Variants in MRPS31 observed in about 807,000 individuals in gnomAD.
The protein encoded by MRPS31 is small ribosomal subunit protein mS31.
MRPS31 carries 32 observed loss-of-function variants against 43.1 expected under a neutral mutation model. The observed-to-expected ratio is 0.74, with a 90% CI of 0.56 to 1.00. MRPS31 has a LOEUF of 1.00. MRPS31 is among the 50% of genes least tolerant of loss of function. The probability of loss-of-function intolerance (pLI) is 0.00; values close to 1 mark genes in which losing one functional copy is unlikely to be tolerated. For synonymous variants in MRPS31, 165 were observed against 161.6 expected, an observed-to-expected ratio of 1.02 and a Z score of -0.16; for missense variants, 437 against 466.7, an observed-to-expected ratio of 0.94 and a Z score of 0.59.
chr13:40,744,001 C>A (rs183638887), intron 6 of MRPS31, among the ~76,000 whole-genome samples: 1 of 152,232 alleles, frequency 6.6e-6, no homozygotes, highest in Non-Finnish European at 1.5e-5. Flanking sequence ...ACATACACAC[C>A]ATGGGATACT....
chr13:40,729,775 T>C (rs1467857150), intron 6 of MRPS31, among the ~76,000 whole-genome samples, 174 bp from the exon 7 acceptor site: 1 of 150,818 alleles, frequency 6.6e-6, no homozygotes, highest in Non-Finnish European at 1.5e-5. Context: ...GTTGCTCAGG[T>C]TGAAGTGGAG....
At position 40,754,802 on chromosome 13, in the gene MRPS31, G is replaced by A. The variant is rs572324224; in HGVS notation, c.741-710C>T. 2.0e-5 allele frequency among the ~76,000 whole-genome samples: 3 copies of A among 152,204 alleles called. No homozygotes were observed. In the East Asian group the frequency reaches 5.8e-4, roughly 29 times the overall value. ...CCAGCACTTTGGGAGGCCAAGGCAG[G>A]TAGATTACCTGAGGTCAGGAGTTTG... On this transcript the variant is annotated intron_variant, in intron 4 of 6. Transcript: ENST00000323563.
chr13:40,740,172 AAC>A (rs1880041369), intron 6 of MRPS31, among the ~76,000 whole-genome samples: 2 of 144,200 alleles, frequency 1.4e-5, no homozygotes, highest in South Asian at 4.7e-4. Flanking sequence ...GCAGCCAAAA[AAC>A]ACATGAAAAA....
chr13:40,752,033 C>CT (rs35701528), intron 5 of MRPS31, among the ~76,000 whole-genome samples: 4,082 of 146,286 alleles, frequency 0.028, 203 homozygotes, highest in East Asian at 0.25. Flanking sequence ...TTCTTTCTTT[C>CT]TTTTTTTTTT....
intron 2 of MRPS31, among the ~76,000 whole-genome samples, chr13:40,760,441 C>T (rs1404413444): frequency 6.6e-6 from 1 of 151,978 alleles, no homozygotes; most frequent in Non-Finnish European, 1.5e-5. Context: ...ATAGGACATA[C>T]AAGAATGGCA....
chr13:40,748,231 C>T (rs554530451), intron 6 of MRPS31, among the ~76,000 whole-genome samples: 1 of 152,158 alleles, frequency 6.6e-6, no homozygotes, highest in Non-Finnish European at 1.5e-5. Flanking sequence ...GATCTCGGCT[C>T]ACTGCAACTT....
chr13:40,742,911 G>T (rs1031925398), intron 6 of MRPS31, among the ~76,000 whole-genome samples: 1 of 152,074 alleles, frequency 6.6e-6, no homozygotes, highest in Non-Finnish European at 1.5e-5. Flanking sequence ...ACTCAAGGTG[G>T]ATTAAAGGCT....
rs774145864 is a variant in MRPS31 at position 40,729,386 on chromosome 13, T to A, written c.1174A>T (p.Ile392Leu). The A allele has an allele frequency of 6.7e-7, 1 of 1,487,530 alleles. No individual in the cohort carries two copies. Among genetic ancestry groups the A allele is most frequent in the Non-Finnish European group, 9.2e-7 (1 of 1,081,374 alleles). 92.1% of individuals were successfully genotyped at this position (1,487,530 alleles called of 1,614,324 possible). Residue 392 changes from isoleucine to leucine, a missense_variant, in exon 7 of 7, where the codon ATA becomes TTA. Transcript: ENST00000323563. Reference protein sequence around the residue: ...EKKDILKESNIQFN With the variant: ...EKKDILKESNLQFN Reference sequence around the variant, plus strand: ...TTTCCATGGTCTTAATTGAACTGTATGTTACTTTCTTTTAGAATATCCTTT... The same window carrying A: ...TTTCCATGGTCTTAATTGAACTGTAAGTTACTTTCTTTTAGAATATCCTTT...
intron 5 of MRPS31, among the ~76,000 whole-genome samples, chr13:40,753,009 C>T (rs1211831330): frequency 6.6e-6 from 1 of 152,020 alleles, no homozygotes; most frequent in Non-Finnish European, 1.5e-5. Context: ...CCACATACAA[C>T]ATTGTTTCTA....
chr13:40,744,928 T>C (rs1401116553), intron 6 of MRPS31, among the ~76,000 whole-genome samples: 4 of 143,798 alleles, frequency 2.8e-5, no homozygotes, highest in African/African-American at 7.8e-5. Context: ...TTATTTTTAT[T>C]TATTTATTTT....
chr13:40,749,140 G>C lies in MRPS31; in HGVS notation c.956C>G (p.Ala319Gly). The change falls in exon 6 of 7, where the codon GCA (alanine) becomes GGA (glycine). Residue 319 changes from alanine to glycine, a missense_variant and splice_region_variant. Physicochemically the swap from Ala to Gly is moderately conservative, Grantham distance 60. Coordinates refer to ENST00000323563, the MANE Select transcript of MRPS31 (RefSeq NM_005830.4). The stretch of plus-strand genomic sequence containing the variant: ...AATCCCCTGAAATTAACACTTACCT[G>C]CTTCATTGTTAATTGGGAACTCCCA... ...KLWEFPINNE[A>G]GFDDDGSEFH... 6.3e-7 allele frequency: 1 copy of C among 1,593,574 alleles called. No individual in the cohort carries two copies. The highest frequency in any genetic ancestry group is 1.8e-5 in the Admixed American group (1 of 54,490).
In MRPS31 at chr13:40,755,934, C is replaced by T. The variant is rs146218054; in HGVS notation, c.740+939G>A. Among the ~76,000 whole-genome samples, 1,264 of 152,288 alleles carry T rather than the reference C, an allele frequency of 8.3e-3. 25 individuals carry two copies. The highest frequency in any genetic ancestry group is 0.028 in the African/African-American group (1,182 of 41,560). Reference sequence around the variant, plus strand: ...ATATTCTTAAGTAAAACTCCAAGTACACCTTCTCCTTTATTCAATAATATG... The same window carrying T: ...ATATTCTTAAGTAAAACTCCAAGTATACCTTCTCCTTTATTCAATAATATG... On this transcript the variant is annotated intron_variant, in intron 4 of 6. Transcript: ENST00000323563.
chr13:40,761,356 T>C (rs1880690077), intron 2 of MRPS31, among the ~76,000 whole-genome samples: 1 of 152,230 alleles, frequency 6.6e-6, no homozygotes, highest in Non-Finnish European at 1.5e-5. Flanking sequence ...TTTAACCTTG[T>C]TCCAAAGTCA....
chr13:40,747,373 A>C (rs1172604093), intron 6 of MRPS31, among the ~76,000 whole-genome samples: 1 of 152,192 alleles, frequency 6.6e-6, no homozygotes, highest in African/African-American at 2.4e-5. Context: ...ATTATTTTAC[A>C]GAGAGGATAC....
intron 6 of MRPS31, among the ~76,000 whole-genome samples, chr13:40,738,114 C>A (rs1879975611): frequency 6.6e-6 from 1 of 152,064 alleles, no homozygotes; most frequent in Non-Finnish European, 1.5e-5. Context: ...ATATCACCAC[C>A]AATCCCACAG....
intron 5 of MRPS31, among the ~76,000 whole-genome samples, chr13:40,750,622 T>C (rs1310983355): frequency 6.6e-6 from 1 of 151,602 alleles, no homozygotes; most frequent in Non-Finnish European, 1.5e-5. Context: ...TTTAGTTATT[T>C]TACCAACATC....
Position 40,729,378 on chromosome 13 carries a change from G to T in MRPS31, c.1182C>A (p.Phe394Leu). 6.9e-7 allele frequency: 1 copy of T among 1,449,576 alleles called. No individual in the cohort carries two copies. The highest frequency in any genetic ancestry group is 1.2e-5 in the South Asian group (1 of 81,454). 89.8% of individuals were successfully genotyped at this position (1,449,576 alleles called of 1,614,324 possible). ...KDILKESNIQ[F>L]N ...AATAAAAATTTCCATGGTCTTAATTGAACTGTATGTTACTTTCTTTTAGAA... is the reference window on the plus strand; with the variant it reads ...AATAAAAATTTCCATGGTCTTAATTTAACTGTATGTTACTTTCTTTTAGAA... The change falls in exon 7 of 7, where the codon TTC (phenylalanine) becomes TTA (leucine). Residue 394 changes from phenylalanine (F) to leucine (L), a missense_variant. Physicochemically the swap from Phe to Leu is conservative, Grantham distance 22. Coordinates refer to ENST00000323563, the MANE Select transcript of MRPS31 (RefSeq NM_005830.4).
At chr13:40,767,914 C>T (rs1312912509) in intron 1 of MRPS31, among the ~76,000 whole-genome samples, 5 of 152,120 alleles carry the variant, frequency 3.3e-5, no homozygotes, top group Non-Finnish European at 5.9e-5. Flanking sequence ...ACATTGTCAT[C>T]GAGCTACATG....
At chr13:40,735,430 C>T (rs1400303659) in intron 6 of MRPS31, among the ~76,000 whole-genome samples, 1 of 152,198 alleles carries the variant, frequency 6.6e-6, no homozygotes, top group African/African-American at 2.4e-5. Flanking sequence ...GAGCCCACCA[C>T]AGCTCAAGGA....
Sources: gnomAD v4.1 joint callset for allele counts (sites outside exome capture counted in the v4.1 genomes callset) on GRCh38, gnomAD v4.1.1 for gene constraint, MANE v1.5 for transcripts, NCBI Gene and HGNC (gene_info 2026-07-23, HGNC 2026-07-21) for gene names.